C1orf105: variants seen among roughly 807,000 people sequenced by gnomAD.
C1orf105 encodes uncharacterized protein C1orf105.
C1orf105 carries 17 observed loss-of-function variants against 20.8 expected under a neutral mutation model. The observed-to-expected ratio is 0.82, with a 90% CI of 0.56 to 1.23. The LOEUF (loss-of-function observed/expected upper bound fraction) is 1.23. Among genes scored for constraint, C1orf105 ranks in the 50% most tolerant of loss-of-function variants. C1orf105 has a pLI of 0.00. For missense variants in C1orf105, 219 were observed against 213.5 expected (o/e 1.03, Z -0.16); for synonymous variants, 72 against 72.1 (o/e 1.00, Z 0.01).
At position 172,456,443 on chromosome 1, in the gene C1orf105, T is replaced by C; in HGVS notation, c.227T>C (p.Leu76Pro). 1 of 1,613,604 alleles carries C rather than the reference T, an allele frequency of 6.2e-7. No homozygotes were observed. The highest frequency in any genetic ancestry group is 1.6e-4 in the Middle Eastern group (1 of 6,062). The change falls in exon 4 of 7, where the codon CTG becomes CCG. Residue 76 changes from leucine to proline, a missense_variant. Physicochemically the swap from Leu to Pro is moderately conservative, Grantham distance 98. Coordinates refer to ENST00000367727, the MANE Select transcript of C1orf105 (RefSeq NM_139240.4). ...AGGAGGAACCAGTGTGACTCCATGC[T>C]GCTCAGAAACCAACAGCTGTGCTCC... Reference protein sequence around the residue: ...KARRNQCDSMLLRNQQLCSTC... With the variant: ...KARRNQCDSMPLRNQQLCSTC...
chr1:172,445,978 G>C (rs1199401119), intron 2 of C1orf105, among the ~76,000 whole-genome samples: 1 of 152,102 alleles, frequency 6.6e-6, no homozygotes, highest in African/African-American at 2.4e-5. Context: ...TAACTACCAT[G>C]TACCCTCCTG....
At position 172,462,161 on chromosome 1, in the gene C1orf105, G is replaced by A. The variant is rs769068202; in HGVS notation, c.274-17G>A. ...TGCAGTTACAGGCAACGTTCTAAATGAGACTTTCTTCTTGAGGTACAACCA... is the reference window on the plus strand; with the variant it reads ...TGCAGTTACAGGCAACGTTCTAAATAAGACTTTCTTCTTGAGGTACAACCA... On this transcript the variant is annotated splice_polypyrimidine_tract_variant and intron_variant, in intron 4 of 6. Transcript: ENST00000367727. The A allele has an allele frequency of 3.1e-6, 5 of 1,592,676 alleles. No homozygotes were observed. The highest frequency in any genetic ancestry group is 4.3e-6 in the Non-Finnish European group (5 of 1,164,568).
chr1:172,447,084 A>T (rs185111038), intron 2 of C1orf105, among the ~76,000 whole-genome samples: 120 of 152,322 alleles, frequency 7.9e-4, no homozygotes, highest in African/African-American at 2.8e-3. Context: ...GTATCAAAAG[A>T]TCTTAAGGAT....
intron 2 of C1orf105, 97 bp from the exon 3 acceptor site, chr1:172,448,344 C>T: frequency 1.3e-6 from 1 of 781,388 alleles, no homozygotes; most frequent in African/African-American, 1.7e-5. Context: ...AAGATAGCTC[C>T]CTGTGGTGTC....
At chr1:172,437,160 T>G (rs529472383) in intron 1 of C1orf105, among the ~76,000 whole-genome samples, 1 of 152,268 alleles carries the variant, frequency 6.6e-6, no homozygotes, top group South Asian at 2.1e-4. Flanking sequence ...GTTCAACCAT[T>G]GTGGAAGACA....
At chr1:172,444,755 AC>A (rs1300889514) in intron 1 of C1orf105, among the ~76,000 whole-genome samples, 3 of 152,230 alleles carry the variant, frequency 2.0e-5, no homozygotes, top group African/African-American at 7.2e-5. Flanking sequence ...GGATATATAA[AC>A]AGAAGGAAGT....
intron 4 of C1orf105, among the ~76,000 whole-genome samples, chr1:172,458,908 AT>A (rs377743529): frequency 4.3e-4 from 66 of 152,314 alleles, no homozygotes; most frequent in Admixed American, 1.8e-3. Context: ...TAAACAATTG[AT>A]TTTTGACAAA....
chr1:172,466,239 A>T (rs749906404), intron 6 of C1orf105, among the ~76,000 whole-genome samples: 11 of 152,182 alleles, frequency 7.2e-5, no homozygotes, highest in South Asian at 2.1e-4. Context: ...CTCAGGTTAC[A>T]GCTGAGGTTT....
In C1orf105 at chr1:172,438,672, G is replaced by A. The variant is rs564826057; in HGVS notation, c.22-6401G>A. Among the ~76,000 whole-genome samples the A allele has an allele frequency of 2.0e-5, 3 of 152,332 alleles. No individual in the cohort carries two copies. The South Asian group carries it at 6.2e-4, about 32-fold the overall frequency. On this transcript the variant is annotated intron_variant, in intron 1 of 6. Coordinates refer to ENST00000367727, the MANE Select transcript of C1orf105 (RefSeq NM_139240.4). ...TGAAATTGTTATAAAGCAGTGGCAGGGTTTGAGAGGGTTGACCCAATTTTG... is the reference window on the plus strand; with the variant it reads ...TGAAATTGTTATAAAGCAGTGGCAGAGTTTGAGAGGGTTGACCCAATTTTG...
intron 1 of C1orf105, among the ~76,000 whole-genome samples, chr1:172,425,097 T>C (rs1168907419): frequency 6.6e-6 from 1 of 152,230 alleles, no homozygotes; most frequent in Non-Finnish European, 1.5e-5. Context: ...AGCTAGTCTG[T>C]TTAGGACAGA....
At chr1:172,448,655 T>C (rs958929706) in intron 3 of C1orf105, 124 bp downstream of exon 3, 4 of 606,950 alleles carry the variant, frequency 6.6e-6, no homozygotes, top group Admixed American at 2.9e-5. Flanking sequence ...TCAATAAATA[T>C]TTGTTAAATG....
intron 3 of C1orf105, among the ~76,000 whole-genome samples, chr1:172,450,862 TGAG>T (rs1445813161): frequency 6.6e-6 from 1 of 151,764 alleles, no homozygotes; most frequent in African/African-American, 2.4e-5. Context: ...CACACAGAGA[TGAG>T]GGACAAAAAA....
At chr1:172,443,774 A>T in intron 1 of C1orf105, 1 of 196,100 alleles carries the variant, frequency 5.1e-6, no homozygotes, top group Non-Finnish European at 1.1e-5. Context: ...TGCGACGCCC[A>T]AAAGGGCAGC....
intron 3 of C1orf105, chr1:172,453,067 G>A (rs767459735): frequency 7.4e-5 from 115 of 1,550,476 alleles, no homozygotes; most frequent in South Asian, 3.4e-4. Context: ...AAATGTTTGC[G>A]TCGCCTTTAA....
intron 4 of C1orf105, among the ~76,000 whole-genome samples, chr1:172,456,806 C>T (rs922906451): frequency 6.6e-6 from 1 of 152,162 alleles, no homozygotes; most frequent in Non-Finnish European, 1.5e-5. Flanking sequence ...CCTTCTCCCT[C>T]CTTAATGTAG....
chr1:172,442,520 C>T (rs769365562), intron 1 of C1orf105: 2 of 1,614,180 alleles, frequency 1.2e-6, no homozygotes, highest in South Asian at 2.2e-5. Context: ...CGGAGCTCTT[C>T]CAGGAATCGC....
intron 4 of C1orf105, among the ~76,000 whole-genome samples, chr1:172,457,715 G>T (rs947398585): frequency 2.6e-5 from 4 of 152,200 alleles, no homozygotes; most frequent in African/African-American, 9.7e-5. Context: ...GACATCAGCA[G>T]CCATCCTCTT....
intron 2 of C1orf105, among the ~76,000 whole-genome samples, chr1:172,446,835 G>A (rs1036960218): frequency 1.3e-5 from 2 of 152,212 alleles, no homozygotes; most frequent in Non-Finnish European, 1.5e-5. Context: ...AAGGGAGTGG[G>A]CAGTTTTTCC....
At chr1:172,443,162 G>T (rs1237482990) in intron 1 of C1orf105, 3 of 168,332 alleles carry the variant, frequency 1.8e-5, no homozygotes. Context: ...TTGCCCTAAG[G>T]TAACAGAGCA....
Sources: allele counts gnomAD v4.1 joint callset (sites outside exome capture counted in the v4.1 genomes callset), GRCh38; gene constraint gnomAD v4.1.1; transcripts MANE v1.5; gene names NCBI Gene and HGNC (gene_info 2026-07-23, HGNC 2026-07-21).